Variants in ULK4 observed in about 807,000 individuals in gnomAD.
The protein encoded by ULK4 is unc-51 like kinase 4, also known as inactive serine/threonine-protein kinase ULK4.
In ULK4, 133 loss-of-function variants were observed where a neutral mutation model predicts 160.6. That is an observed-to-expected ratio of 0.83 (90% CI 0.72 to 0.96). The LOEUF (loss-of-function observed/expected upper bound fraction) is 0.96. Among genes scored for constraint, ULK4 ranks in the 40% least tolerant of loss-of-function variants. ULK4 has a pLI of 0.00. For missense variants in ULK4, 1,580 were observed against 1,499.5 expected, an observed-to-expected ratio of 1.05 and a Z score of -0.89; for synonymous variants, 534 against 539.8, an observed-to-expected ratio of 0.99 and a Z score of 0.15.
intron 35 of ULK4, among the ~76,000 whole-genome samples, chr3:41,354,859 A>G (rs2080996671): frequency 6.6e-6 from 1 of 152,148 alleles, no homozygotes; most frequent in African/African-American, 2.4e-5. Context: ...TGAACACTTG[A>G]CCTCTGTTTT....
intron 22 of ULK4, among the ~76,000 whole-genome samples, chr3:41,752,492 A>G (rs2038663018): frequency 6.6e-6 from 1 of 152,168 alleles, no homozygotes; most frequent in Non-Finnish European, 1.5e-5. Flanking sequence ...TGATCCCTAA[A>G]AGATGAGAAA....
intron 32 of ULK4, among the ~76,000 whole-genome samples, chr3:41,481,790 G>T (rs2125897401): frequency 7.6e-6 from 1 of 132,088 alleles, no homozygotes; most frequent in Admixed American, 8.5e-5. Flanking sequence ...TCCCGCCACT[G>T]CACTCCAGCC....
intron 27 of ULK4, among the ~76,000 whole-genome samples, chr3:41,690,547 G>T (rs1290627452): frequency 6.6e-6 from 1 of 151,004 alleles, no homozygotes; most frequent in Admixed American, 6.6e-5. Flanking sequence ...TAACTTTTTG[G>T]CTTCTAGGCA....
intron 2 of ULK4, 38 bp from the exon 3 acceptor site, chr3:41,938,235 C>T (rs906361636): frequency 1.3e-6 from 2 of 1,535,470 alleles, no homozygotes; most frequent in Non-Finnish European, 1.8e-6. Flanking sequence ...AAAAGAAATT[C>T]CTAAAACTCT....
intron 22 of ULK4, among the ~76,000 whole-genome samples, chr3:41,747,438 C>T (rs975937851): frequency 2.6e-5 from 4 of 151,864 alleles, no homozygotes; most frequent in Non-Finnish European, 4.4e-5. Flanking sequence ...AAATGCAAAG[C>T]TGTGCCAGAG....
At chr3:41,782,033 T>C (rs1350949406) in intron 21 of ULK4, among the ~76,000 whole-genome samples, 9 of 152,006 alleles carry the variant, frequency 5.9e-5, no homozygotes, top group Admixed American at 2.6e-4. Flanking sequence ...TTTTCTCAAC[T>C]TTTTTTTAGG....
intron 35 of ULK4, among the ~76,000 whole-genome samples, chr3:41,336,071 G>T (rs1467420517): frequency 6.6e-6 from 1 of 152,174 alleles, no homozygotes; most frequent in Non-Finnish European, 1.5e-5. Flanking sequence ...TTGCCATGAA[G>T]AACCGTCCTT....
intron 22 of ULK4, among the ~76,000 whole-genome samples, chr3:41,729,574 G>C (rs868795365): frequency 2.0e-5 from 3 of 152,180 alleles, no homozygotes; most frequent in Admixed American, 6.5e-5. Flanking sequence ...AAATAGGCCT[G>C]CCAACCTGCT....
chr3:41,708,515 C>A (rs1024574123), intron 25 of ULK4, among the ~76,000 whole-genome samples: 7 of 151,984 alleles, frequency 4.6e-5, no homozygotes, highest in South Asian at 2.1e-4. Context: ...TTACCAGGGA[C>A]TGGGGGTAGG....
In ULK4 at chr3:41,754,458, C is replaced by A. The variant is rs1267485004; in HGVS notation, c.2224G>T (p.Asp742Tyr). The change falls in exon 22 of 37, where the codon GAC becomes TAC. Residue 742 changes from aspartate to tyrosine, a missense_variant. Asp to Tyr is a radical substitution (Grantham distance 160). Transcript: ENST00000301831. ...GCTCTAATGCATGTTGAGGGGCTGT[C>A]AAGTAAACGGATAATTGTGGAGACA... ...GFVSTIIRLL[D>Y]SPSTCIRAKA... 6 of 1,613,180 alleles carry A rather than the reference C, an allele frequency of 3.7e-6. No homozygotes were observed. Among genetic ancestry groups the A allele is most frequent in the Non-Finnish European group, 5.1e-6 (6 of 1,179,614 alleles).
chr3:41,269,854 A>G (rs1320239930), intron 35 of ULK4, among the ~76,000 whole-genome samples: 4 of 152,218 alleles, frequency 2.6e-5, no homozygotes, highest in Non-Finnish European at 5.9e-5. Flanking sequence ...GATGCTGGGG[A>G]AAATCCTTAA....
At chr3:41,365,951 A>G (rs2081245106) in intron 35 of ULK4, among the ~76,000 whole-genome samples, 1 of 152,218 alleles carries the variant, frequency 6.6e-6, no homozygotes, top group South Asian at 2.1e-4. Flanking sequence ...TAATTGTTCA[A>G]AAACCATTTG....
intron 35 of ULK4, among the ~76,000 whole-genome samples, chr3:41,338,064 T>A (rs139156587): frequency 2.0e-5 from 3 of 152,360 alleles, no homozygotes; most frequent in African/African-American, 4.8e-5. Flanking sequence ...AGCTTTTATG[T>A]TCACCTTCAA....
At chr3:41,909,857 C>T (rs114414255) in intron 11 of ULK4, among the ~76,000 whole-genome samples, 14,336 of 152,174 alleles carry the variant, frequency 0.094, 901 homozygotes, top group Non-Finnish European at 0.14. Context: ...TATTTCTCTA[C>T]GTTAAAAAAT....
chr3:41,670,955 T>C (rs1376948457), intron 29 of ULK4, among the ~76,000 whole-genome samples: 4 of 152,056 alleles, frequency 2.6e-5, no homozygotes, highest in African/African-American at 4.8e-5. Flanking sequence ...AAGAGGGAGA[T>C]CACTGTACCT....
In ULK4 at chr3:41,443,580, G is replaced by C. The variant is rs966017677; in HGVS notation, c.3492+11917C>G. ...TTATACTTTCATGTAATTACTTCCA[G>C]TTAACATACCATGGTAACTAAACTT... is the stretch of plus-strand genomic sequence containing the variant. On this transcript the variant is annotated intron_variant, in intron 34 of 36. Transcript: ENST00000301831. 9.9e-5 allele frequency among the ~76,000 whole-genome samples: 15 copies of C among 152,088 alleles called. 1 individual carries two copies. Among genetic ancestry groups the C allele is most frequent in the Non-Finnish European group, 2.9e-5 (2 of 68,024 alleles).
At chr3:41,423,177 G>A (rs1478688960) in intron 34 of ULK4, among the ~76,000 whole-genome samples, 2 of 152,150 alleles carry the variant, frequency 1.3e-5, no homozygotes, top group Non-Finnish European at 2.9e-5. Context: ...CAGTAAGCAG[G>A]GAAAAGGATG....
At chr3:41,899,113 CAG>C (rs1329298190) in intron 13 of ULK4, 3 of 152,256 alleles carry the variant, frequency 2.0e-5, no homozygotes, top group African/African-American at 7.2e-5. Flanking sequence ...ATGGTTATAT[CAG>C]AGAAGACACC....
chr3:41,480,682 A>T (rs1351177045), intron 32 of ULK4, among the ~76,000 whole-genome samples: 1 of 152,080 alleles, frequency 6.6e-6, no homozygotes, highest in Non-Finnish European at 1.5e-5. Flanking sequence ...CCATTCTCAC[A>T]CTGCTAATAA....
Sources: allele counts gnomAD v4.1 joint callset (sites outside exome capture counted in the v4.1 genomes callset), GRCh38; gene constraint gnomAD v4.1.1; transcripts MANE v1.5; gene names NCBI Gene and HGNC (gene_info 2026-07-23, HGNC 2026-07-21).